The following NLGN1 variants were observed in gnomAD, a reference collection of about 807,000 sequenced individuals.
The protein encoded by NLGN1 is neuroligin 1, also known as neuroligin-1.
A neutral mutation model predicts 65.5 loss-of-function variants in NLGN1; 12 were observed. The observed-to-expected ratio is 0.18, with a 90% CI of 0.12 to 0.30. The LOEUF is 0.30. Ranked by LOEUF, NLGN1 falls within the 10% of genes least tolerant of loss-of-function variation. NLGN1 has a pLI of 1.00. For synonymous variants in NLGN1, 350 were observed against 359.5 expected (o/e 0.97, Z 0.30); for missense variants, 750 against 1,007.1 (o/e 0.74, Z 3.46).
intron 4 of NLGN1, among the ~76,000 whole-genome samples, chr3:173,932,766 AGGCTGTTT>A (rs1744336337): frequency 6.6e-6 from 1 of 152,082 alleles, no homozygotes; most frequent in Admixed American, 6.6e-5. Flanking sequence ...GCCCTCTTGA[AGGCTGTTT>A]GGCTGGGTGA....
At chr3:173,878,216 A>G (rs1346407762) in intron 4 of NLGN1, among the ~76,000 whole-genome samples, 3 of 151,822 alleles carry the variant, frequency 2.0e-5, no homozygotes, top group East Asian at 1.9e-4. Flanking sequence ...TAATTTTTGT[A>G]TTTTTAGTAG....
chr3:173,472,119 G>C (rs1420358293), intron 2 of NLGN1, among the ~76,000 whole-genome samples: 1 of 152,246 alleles, frequency 6.6e-6, no homozygotes, highest in East Asian at 1.9e-4. Flanking sequence ...GTCATTATAT[G>C]TAAAGTAATG....
intron 4 of NLGN1, among the ~76,000 whole-genome samples, chr3:174,242,404 C>CA (rs2152832475): frequency 6.6e-6 from 1 of 152,022 alleles, no homozygotes; most frequent in African/African-American, 2.4e-5. Context: ...AAAACAAAAA[C>CA]AAAAAATCAG....
At chr3:173,922,706 A>G (rs1742278721) in intron 4 of NLGN1, among the ~76,000 whole-genome samples, 2 of 152,112 alleles carry the variant, frequency 1.3e-5, no homozygotes, top group African/African-American at 4.8e-5. Flanking sequence ...GCTCTTTATT[A>G]GAAACAGTTA....
intron 2 of NLGN1, among the ~76,000 whole-genome samples, chr3:173,435,413 GT>G (rs1343133717): frequency 1.3e-5 from 2 of 151,936 alleles, no homozygotes; most frequent in Non-Finnish European, 2.9e-5. Context: ...AATATATAAT[GT>G]TTTTATGTTA....
chr3:173,602,924 G>A (rs139717880), intron 2 of NLGN1, among the ~76,000 whole-genome samples: 32 of 152,196 alleles, frequency 2.1e-4, no homozygotes, highest in African/African-American at 7.0e-4. Flanking sequence ...GTATATTAAT[G>A]TGCTTTCACA....
At chr3:173,435,377 C>T (rs1717930029) in intron 2 of NLGN1, among the ~76,000 whole-genome samples, 3 of 152,044 alleles carry the variant, frequency 2.0e-5, no homozygotes, top group African/African-American at 7.2e-5. Context: ...AATTTCTTTC[C>T]CTTTTTCAGC....
At chr3:173,768,970 A>G (rs921007123) in intron 3 of NLGN1, among the ~76,000 whole-genome samples, 1 of 151,916 alleles carries the variant, frequency 6.6e-6, no homozygotes, top group Non-Finnish European at 1.5e-5. Flanking sequence ...GGGTTTCGCC[A>G]TGTTGCCCAG....
At chr3:173,844,936 G>A (rs1439497302) in intron 4 of NLGN1, among the ~76,000 whole-genome samples, 1 of 152,182 alleles carries the variant, frequency 6.6e-6, no homozygotes, top group African/African-American at 2.4e-5. Flanking sequence ...TGTGAATGAA[G>A]ACATTATGTT....
At chr3:174,153,051 C>T (rs1413452421) in intron 4 of NLGN1, among the ~76,000 whole-genome samples, 1 of 152,108 alleles carries the variant, frequency 6.6e-6, no homozygotes, top group Non-Finnish European at 1.5e-5. Context: ...ATCTCCATCA[C>T]TATGCTTTGC....
At chr3:174,154,364 A>C (rs1304824390) in intron 4 of NLGN1, among the ~76,000 whole-genome samples, 2 of 152,078 alleles carry the variant, frequency 1.3e-5, no homozygotes, top group Admixed American at 6.6e-5. Flanking sequence ...AGAGAGTGAC[A>C]ATATTTCCCA....
At chr3:173,738,466 A>G (rs1378740370) in intron 3 of NLGN1, among the ~76,000 whole-genome samples, 1 of 152,106 alleles carries the variant, frequency 6.6e-6, no homozygotes, top group Non-Finnish European at 1.5e-5. Flanking sequence ...ACATGTTGAT[A>G]TCCAGTTGAC....
intron 2 of NLGN1, among the ~76,000 whole-genome samples, chr3:173,474,726 G>A (rs1403686953): frequency 1.3e-5 from 2 of 152,130 alleles, no homozygotes; most frequent in East Asian, 1.9e-4. Context: ...TTGGGAGGCC[G>A]AGGTGGGTGG....
At chr3:173,756,291 A>G (rs1479971290) in intron 3 of NLGN1, among the ~76,000 whole-genome samples, 1 of 152,004 alleles carries the variant, frequency 6.6e-6, no homozygotes, top group Admixed American at 6.6e-5. Flanking sequence ...TTTAATAGTA[A>G]ACATCAATAT....
chr3:173,786,796 G>T (rs947557445), intron 3 of NLGN1, among the ~76,000 whole-genome samples: 2 of 152,118 alleles, frequency 1.3e-5, no homozygotes, highest in African/African-American at 4.8e-5. Context: ...CAGATATGGG[G>T]CAGGGCATGG....
At chr3:173,835,336 T>G (rs1172127757) in intron 4 of NLGN1, among the ~76,000 whole-genome samples, 3 of 152,090 alleles carry the variant, frequency 2.0e-5, no homozygotes, top group Non-Finnish European at 4.4e-5. Flanking sequence ...AGGAAAGGCT[T>G]TTTAATAAAA....
chr3:174,080,313 C>A (rs1741889852), intron 4 of NLGN1, among the ~76,000 whole-genome samples: 1 of 152,086 alleles, frequency 6.6e-6, no homozygotes, highest in Admixed American at 6.6e-5. Flanking sequence ...AGAATTTGAC[C>A]AAGGAGGCAT....
chr3:173,604,404 T>C lies in NLGN1; in HGVS notation c.-195T>C, dbSNP rs547896971. On this transcript the variant is annotated 5_prime_UTR_variant, in exon 3 of 7. The change abolishes an upstream ATG in the 5' untranslated region. Transcript: ENST00000457714. Reference sequence around the variant, plus strand: ...TAGGATATGGTCTGATAAATAGTGATGATTGAAGATGCTGCTCCAATACAT... The same window carrying C: ...TAGGATATGGTCTGATAAATAGTGACGATTGAAGATGCTGCTCCAATACAT... 17 of 656,434 alleles carry C rather than the reference T, an allele frequency of 2.6e-5. No individual in the cohort carries two copies. The East Asian group carries it at 4.3e-4, about 17-fold the overall frequency. The allele number at this position is 656,434 out of a possible 1,614,324, so 40.7% of individuals were successfully genotyped here. A position where few individuals can be genotyped will look rare whatever the true frequency, so the allele number is the denominator to read the frequency against.
intron 4 of NLGN1, among the ~76,000 whole-genome samples, chr3:173,837,239 A>C (rs1305749435): frequency 6.6e-6 from 1 of 152,164 alleles, no homozygotes; most frequent in Non-Finnish European, 1.5e-5. Flanking sequence ...GACTACAGCT[A>C]CTTTATTTTT....
Sources: allele counts gnomAD v4.1 joint callset (sites outside exome capture counted in the v4.1 genomes callset), GRCh38; gene constraint gnomAD v4.1.1; transcripts MANE v1.5; gene names NCBI Gene and HGNC (gene_info 2026-07-23, HGNC 2026-07-21).